Variants in TRIM66 observed in about 807,000 individuals in gnomAD.
TRIM66 encodes tripartite motif-containing protein 66.
In TRIM66, 99 loss-of-function variants were observed where a neutral mutation model predicts 148.2. The observed-to-expected ratio is 0.67, with a 90% CI of 0.57 to 0.79. TRIM66 has a LOEUF of 0.79. Ranked by LOEUF, TRIM66 falls within the 30% of genes least tolerant of loss-of-function variation. The pLI, the probability that TRIM66 is intolerant of heterozygous loss-of-function variation, is 0.00. For missense variants in TRIM66, 1,666 were observed against 1,697.9 expected (o/e 0.98, Z 0.33); for synonymous variants, 616 against 635.9 (o/e 0.97, Z 0.47).
At chr11:8,663,940 G>C (rs1025558029) in intron 6 of TRIM66, among the ~76,000 whole-genome samples, 7 of 152,198 alleles carry the variant, frequency 4.6e-5, no homozygotes, top group African/African-American at 1.7e-4. Flanking sequence ...TAAAAGCGGA[G>C]AGTAAAAGAG....
chr11:8,663,701 A>G (rs1331347598), intron 6 of TRIM66, among the ~76,000 whole-genome samples: 1 of 152,218 alleles, frequency 6.6e-6, no homozygotes, highest in Non-Finnish European at 1.5e-5. Flanking sequence ...TCATTGCTGT[A>G]TTATTCACAA....
intron 6 of TRIM66, among the ~76,000 whole-genome samples, chr11:8,666,885 C>CT (rs1447970881): frequency 6.6e-6 from 1 of 152,234 alleles, no homozygotes; most frequent in Non-Finnish European, 1.5e-5. Context: ...TCTCAGCTCA[C>CT]TGCAACCTCC....
At chr11:8,682,206 AAGCTGC>A (rs1312692161) in intron 1 of TRIM66, among the ~76,000 whole-genome samples, 1 of 152,272 alleles carries the variant, frequency 6.6e-6, no homozygotes, top group Non-Finnish European at 1.5e-5. Flanking sequence ...AAGAGAAAGG[AAGCTGC>A]AGTGCCCACT....
intron 14 of TRIM66, 89 bp from the exon 15 acceptor site, chr11:8,638,904 C>T (rs1838253190): frequency 2.2e-6 from 3 of 1,355,492 alleles, no homozygotes; most frequent in African/African-American, 3.0e-5. Flanking sequence ...GCTCACCCTG[C>T]CATGTGCATC....
intron 20 of TRIM66, 91 bp from the exon 21 acceptor site, chr11:8,620,663 T>A: frequency 1.3e-6 from 2 of 1,483,022 alleles, no homozygotes; most frequent in Non-Finnish European, 1.8e-6. Context: ...CGTGAGAAAC[T>A]GAGTCTCCGG....
At chr11:8,632,699 G>A (rs1409274260) in intron 15 of TRIM66, among the ~76,000 whole-genome samples, 2 of 152,092 alleles carry the variant, frequency 1.3e-5, no homozygotes, top group East Asian at 3.9e-4. Flanking sequence ...GACCTCCAGT[G>A]ACCCACTTGC....
intron 15 of TRIM66, among the ~76,000 whole-genome samples, chr11:8,627,868 T>C (rs1203545493): frequency 6.6e-6 from 1 of 152,212 alleles, no homozygotes; most frequent in Non-Finnish European, 1.5e-5. Flanking sequence ...TCTGTCACCC[T>C]GGCTGGAATG....
At chr11:8,651,720 G>T in intron 7 of TRIM66, 80 bp downstream of exon 7, 2 of 1,071,818 alleles carry the variant, frequency 1.9e-6, no homozygotes, top group Non-Finnish European at 2.8e-6. Flanking sequence ...ATAGAGTGAT[G>T]GATGGATAGA....
In TRIM66 at chr11:8,638,770, G is replaced by C; in HGVS notation, c.2194C>G (p.Pro732Ala). Residue 732 changes from proline to alanine, a missense_variant, in exon 15 of 25, where the codon CCT becomes GCT. Transcript: ENST00000646038. ...GCAGCAGCAGTATTCTTGTCAAGAGGGAGAGCCGGCTTTGAGCCCTGAGAT... is the reference window on the plus strand; with the variant it reads ...GCAGCAGCAGTATTCTTGTCAAGAGCGAGAGCCGGCTTTGAGCCCTGAGAT... ...PASQGSKPALPLDKNTAAALP... is the reference protein window; with the variant it reads ...PASQGSKPALALDKNTAAALP... 3 of 1,551,254 alleles carry C rather than the reference G, an allele frequency of 1.9e-6. No individual in the cohort carries two copies. Among genetic ancestry groups the C allele is most frequent in the Non-Finnish European group, 2.6e-6 (3 of 1,146,786 alleles).
At chr11:8,642,894 C>A in intron 13 of TRIM66, 115 bp downstream of exon 13, 23 of 365,498 alleles carry the variant, frequency 6.3e-5, no homozygotes, top group East Asian at 1.6e-4. Flanking sequence ...TCCATGACCA[C>A]TGGCAGTCCC....
chr11:8,624,199 T>C (rs1443824253), intron 17 of TRIM66, among the ~76,000 whole-genome samples, 160 bp downstream of exon 17: 3 of 152,098 alleles, frequency 2.0e-5, no homozygotes, highest in African/African-American at 7.2e-5. Context: ...AGAACAGGTG[T>C]CACTAAGACA....
At chr11:8,630,711 C>T (rs377014508) in intron 15 of TRIM66, among the ~76,000 whole-genome samples, 104 of 152,232 alleles carry the variant, frequency 6.8e-4, no homozygotes, top group Admixed American at 1.6e-3. Context: ...CTGTCCCTTT[C>T]CTCTTGCCTC....
chr11:8,667,896 A>C (rs916839361), intron 6 of TRIM66, among the ~76,000 whole-genome samples: 1 of 152,218 alleles, frequency 6.6e-6, no homozygotes, highest in African/African-American at 2.4e-5. Flanking sequence ...TATCTCTTCA[A>C]GTCCCTACTT....
At chr11:8,676,489 A>G (rs1453398220) in intron 3 of TRIM66, among the ~76,000 whole-genome samples, 1 of 152,240 alleles carries the variant, frequency 6.6e-6, no homozygotes, top group African/African-American at 2.4e-5. Context: ...CTACTGCATT[A>G]GACCTTGCAT....
intron 24 of TRIM66, among the ~76,000 whole-genome samples, chr11:8,618,444 G>A (rs2033881879): frequency 6.6e-6 from 1 of 152,208 alleles, no homozygotes. Flanking sequence ...CAATCACAGT[G>A]TGGAGTAACC....
chr11:8,621,827 A>G lies in TRIM66; in HGVS notation c.3081-8T>C, dbSNP rs2034250677. The G allele has an allele frequency of 6.5e-7, 1 of 1,534,734 alleles. No homozygotes were observed. The highest frequency in any genetic ancestry group is 8.8e-7 in the Non-Finnish European group (1 of 1,140,274). On this transcript the variant is annotated splice_region_variant and splice_polypyrimidine_tract_variant and intron_variant, in intron 18 of 24. Coordinates refer to ENST00000646038, the MANE Select transcript of TRIM66 (RefSeq NM_001388022.1). The stretch of plus-strand genomic sequence containing the variant: ...TGCTCACTATTGAAGGCTCTGCAGC[A>G]AGACAGACACCCCGGGGTCTTGGTG...
At chr11:8,635,369 A>T (rs1373233017) in intron 15 of TRIM66, among the ~76,000 whole-genome samples, 1 of 152,208 alleles carries the variant, frequency 6.6e-6, no homozygotes, top group Non-Finnish European at 1.5e-5. Flanking sequence ...ACGATACTAT[A>T]CAAAGTATTA....
Position 8,621,207 on chromosome 11 carries a change from C to T in TRIM66, c.3370G>A (p.Glu1124Lys). 3 of 1,551,710 alleles carry T rather than the reference C, an allele frequency of 1.9e-6. No homozygotes were observed. Among genetic ancestry groups the T allele is most frequent in the South Asian group, 1.2e-5 (1 of 84,060 alleles). ...RPPEVEGTSP[E>K]EHRLIPRTPG... ...GTTCGAGGAATGAGTCTGTGTTCTT[C>T]AGGAGATGTGCCCTCCACTTCTGGT... Residue 1124 changes from glutamate to lysine, a missense_variant, in exon 20 of 25, where the codon GAA becomes AAA. Physicochemically the swap from Glu to Lys is moderately conservative, Grantham distance 56. Coordinates refer to ENST00000646038, the MANE Select transcript of TRIM66 (RefSeq NM_001388022.1).
rs1276741465 is a variant in TRIM66 at position 8,640,450 on chromosome 11, G to A, written c.1925C>T (p.Pro642Leu). 1 of 1,551,500 alleles carries A rather than the reference G, an allele frequency of 6.4e-7. No individual in the cohort carries two copies. Among genetic ancestry groups the A allele is most frequent in the South Asian group, 1.2e-5 (1 of 84,016 alleles). The change falls in exon 14 of 25, where the codon CCT becomes CTT. Residue 642 changes from proline (P) to leucine (L), a missense_variant. By Grantham distance (98) the Pro-to-Leu change is moderately conservative. This residue lies in a region of TRIM66 where 1,431 missense variants were observed against 1,412.4 expected (regional missense o/e 1.01). Coordinates refer to ENST00000646038, the MANE Select transcript of TRIM66 (RefSeq NM_001388022.1). ...HLASSQHESP[P>L]GPACSQNMDI... ...CATGTTCTGAGAACAGGCAGGGCCAGGAGGGCTCTCGTGCTGACTAGAAGC... is the reference window on the plus strand; with the variant it reads ...CATGTTCTGAGAACAGGCAGGGCCAAGAGGGCTCTCGTGCTGACTAGAAGC...
Sources: gnomAD v4.1 joint callset for allele counts (sites outside exome capture counted in the v4.1 genomes callset) on GRCh38, gnomAD v4.1.1 for gene constraint, gnomAD v4.1.1 regional missense constraint, MANE v1.5 for transcripts, NCBI Gene and HGNC (gene_info 2026-07-23, HGNC 2026-07-21) for gene names.